Variants in TET3 observed in about 807,000 individuals in gnomAD.
TET3 encodes methylcytosine dioxygenase TET3.
TET3 carries 19 observed loss-of-function variants against 141.4 expected under a neutral mutation model. That is an observed-to-expected ratio of 0.13 (90% CI 0.09 to 0.20). The LOEUF (loss-of-function observed/expected upper bound fraction) is 0.20. TET3 is among the 10% of genes least tolerant of loss of function. The pLI, the probability that TET3 is intolerant of heterozygous loss-of-function variation, is 1.00. For missense variants in TET3, 1,874 were observed against 2,356.9 expected (o/e 0.80, Z 4.24); for synonymous variants, 1,043 against 980.9 (o/e 1.06, Z -1.18).
intron 3 of TET3, among the ~76,000 whole-genome samples, chr2:74,041,178 C>T (rs1034560515): frequency 9.2e-5 from 14 of 152,182 alleles, no homozygotes; most frequent in African/African-American, 3.4e-4. Context: ...AAGTATTAAG[C>T]AAATTCTTCC....
chr2:74,000,779 G>A (rs1374514283), intron 2 of TET3, among the ~76,000 whole-genome samples: 2 of 152,186 alleles, frequency 1.3e-5, no homozygotes, highest in African/African-American at 2.4e-5. Context: ...TTAACATCGC[G>A]AAGTCCTTCC....
chr2:74,116,658 C>T, the TET3 span, among the ~76,000 whole-genome samples: 22 of 148,022 alleles, frequency 1.5e-4, no homozygotes, highest in East Asian at 3.7e-3. Flanking sequence ...TCACTCCAGC[C>T]TGAGCAGCAG....
chr2:74,096,145 C>T (rs1690812888), intron 10 of TET3, among the ~76,000 whole-genome samples: 1 of 152,124 alleles, frequency 6.6e-6, no homozygotes, highest in Admixed American at 6.5e-5. Context: ...CAGCTTCTGC[C>T]ACATCTTATC....
Position 74,047,535 on chromosome 2 carries a change from C to T in TET3, c.1618C>T (p.Leu540=). Reference sequence around the variant, plus strand: ...CCTCCACCACAAGCGCAGCCTCTTCCTAGAACAGGTGCACGACACCTCCTT... The same window carrying T: ...CCTCCACCACAAGCGCAGCCTCTTCTTAGAACAGGTGCACGACACCTCCTT... ...QHLHHKRSLF[L]EQVHDTSFPA... Residue 540 remains leucine, a synonymous_variant, in exon 4 of 12, where the codon CTA becomes TTA. Transcript: ENST00000409262. 1 of 1,613,702 alleles carries T rather than the reference C, an allele frequency of 6.2e-7. No individual in the cohort carries two copies. Among genetic ancestry groups the T allele is most frequent in the Non-Finnish European group, 8.5e-7 (1 of 1,179,884 alleles).
rs976830303 is a variant in TET3 at position 74,090,279 on chromosome 2, T to G, written c.3039+232T>G. Among the ~76,000 whole-genome samples the G allele has an allele frequency of 2.0e-5, 3 of 152,242 alleles. No homozygotes were observed. The East Asian group carries it at 5.8e-4, about 29-fold the overall frequency. ...ACGGGTGCCCCAGGCTCTTCCCATG[T>G]AAACCATCTCTTTTAGGTAAATACT... On this transcript the variant is annotated intron_variant, in intron 8 of 11. Coordinates refer to ENST00000409262, the MANE Select transcript of TET3 (RefSeq NM_001287491.2).
In TET3 at chr2:74,102,307, C is replaced by T. The variant is rs1028529104; in HGVS notation, c.*131C>T. Reference sequence around the variant, plus strand: ...ATCTCTATATACATATATAGATGCGCATATCATATATATGTATTTATGGTC... The same window carrying T: ...ATCTCTATATACATATATAGATGCGTATATCATATATATGTATTTATGGTC... On this transcript the variant is annotated 3_prime_UTR_variant, in exon 12 of 12. Coordinates refer to ENST00000409262, the MANE Select transcript of TET3 (RefSeq NM_001287491.2). 1.6e-5 allele frequency: 19 copies of T among 1,215,196 alleles called. No individual in the cohort carries two copies. Among genetic ancestry groups the T allele is most frequent in the African/African-American group, 9.3e-5 (6 of 64,578 alleles). The allele number at this position is 1,215,196 out of a possible 1,614,324, so 75.3% of individuals were successfully genotyped here. A position where few individuals can be genotyped will look rare whatever the true frequency, so the allele number is the denominator to read the frequency against.
chr2:74,131,340 G>A, the TET3 span, among the ~76,000 whole-genome samples: 2 of 152,256 alleles, frequency 1.3e-5, no homozygotes, highest in South Asian at 2.1e-4. Flanking sequence ...TCGCAGGTCC[G>A]TTAGCCCTGA....
intron 3 of TET3, among the ~76,000 whole-genome samples, chr2:74,013,643 A>G (rs959969350): frequency 2.6e-5 from 4 of 151,896 alleles, no homozygotes; most frequent in Non-Finnish European, 5.9e-5. Flanking sequence ...CCCCGTCTCT[A>G]CTGAAAATAC....
the TET3 span, among the ~76,000 whole-genome samples, chr2:74,113,206 G>T: frequency 4.6e-5 from 7 of 151,692 alleles, no homozygotes; most frequent in Non-Finnish European, 7.4e-5. Flanking sequence ...CCAACATGGT[G>T]AAACCCTGTC....
the TET3 span, chr2:74,121,009 C>T: frequency 2.6e-5 from 4 of 151,888 alleles, no homozygotes; most frequent in East Asian, 1.9e-4. Context: ...GCCCAGAAGG[C>T]ACAACCACCG....
intron 3 of TET3, among the ~76,000 whole-genome samples, chr2:74,005,693 G>A (rs749502144): frequency 6.6e-6 from 1 of 152,308 alleles, no homozygotes; most frequent in East Asian, 1.9e-4. Context: ...CTGGTAGCCA[G>A]TGGGAATAGA....
intron 6 of TET3, among the ~76,000 whole-genome samples, chr2:74,081,182 A>G (rs973891064): frequency 2.6e-5 from 4 of 152,208 alleles, no homozygotes; most frequent in Admixed American, 2.6e-4. Context: ...CTTCACAGGG[A>G]GAACATCAGT....
In TET3 at chr2:74,101,760, C is replaced by G. The variant is rs768775808; in HGVS notation, c.4972C>G (p.Pro1658Ala). 7 of 1,613,148 alleles carry G rather than the reference C, an allele frequency of 4.3e-6. No individual in the cohort carries two copies. The highest frequency in any genetic ancestry group is 5.1e-6 in the Non-Finnish European group (6 of 1,179,878). The change falls in exon 12 of 12, where the codon CCA becomes GCA. Residue 1658 changes from proline (P) to alanine (A), a missense_variant. Coordinates refer to ENST00000409262, the MANE Select transcript of TET3 (RefSeq NM_001287491.2). The surrounding 1 kb of genome is among the most constrained non-coding windows in gnomAD (Gnocchi z 8.5). Reference sequence around the variant, plus strand: ...GAACATCGGCGGCGTGGCCGTGGCCCCAGCCCACGGCTCCATCCTCATCGA... The same window carrying G: ...GAACATCGGCGGCGTGGCCGTGGCCGCAGCCCACGGCTCCATCCTCATCGA... ...DENIGGVAVA[P>A]AHGSILIECA... is the part of the protein sequence containing the mutation.
chr2:74,064,120 C>T (rs1244835499), intron 4 of TET3, among the ~76,000 whole-genome samples: 2 of 152,148 alleles, frequency 1.3e-5, no homozygotes, highest in Non-Finnish European at 2.9e-5. Context: ...CTTTATACTA[C>T]TTAAAAAGCA....
chr2:74,118,215 C>G, the TET3 span, among the ~76,000 whole-genome samples: 1 of 152,026 alleles, frequency 6.6e-6, no homozygotes, highest in Non-Finnish European at 1.5e-5. Context: ...TAGCACAACG[C>G]TGTAAATCTT....
intron 3 of TET3, among the ~76,000 whole-genome samples, chr2:74,024,617 G>C (rs1686233999): frequency 6.6e-6 from 1 of 152,058 alleles, no homozygotes; most frequent in Non-Finnish European, 1.5e-5. Context: ...CAGAGAACTT[G>C]AGTTCTGGAG....
chr2:73,998,037 C>A (rs1263989400), intron 2 of TET3, among the ~76,000 whole-genome samples: 1 of 152,114 alleles, frequency 6.6e-6, no homozygotes, highest in Admixed American at 6.6e-5. Flanking sequence ...CCTCCCTGAT[C>A]TTGCAGTGTG....
the TET3 span, among the ~76,000 whole-genome samples, chr2:74,133,991 C>G: frequency 8.5e-5 from 13 of 152,256 alleles, no homozygotes; most frequent in South Asian, 4.1e-4. Flanking sequence ...GATCCCCCCC[C>G]CTCGGCCTCT....
At chr2:74,126,814 T>A in the TET3 span, among the ~76,000 whole-genome samples, 1 of 152,234 alleles carries the variant, frequency 6.6e-6, no homozygotes, top group Non-Finnish European at 1.5e-5. Flanking sequence ...GGAATTTTTT[T>A]AAAGCAGTAA....
Sources: gnomAD v4.1 joint callset for allele counts (sites outside exome capture counted in the v4.1 genomes callset) on GRCh38, gnomAD v4.1.1 for gene constraint, Gnocchi (gnomAD v3.1) non-coding constraint, MANE v1.5 for transcripts, NCBI Gene and HGNC (gene_info 2026-07-23, HGNC 2026-07-21) for gene names.